KCNIP4: variants seen among roughly 807,000 people sequenced by gnomAD.
The protein encoded by KCNIP4 is potassium voltage-gated channel interacting protein 4, also known as Kv channel-interacting protein 4.
KCNIP4 carries 12 observed loss-of-function variants against 34.0 expected under a neutral mutation model. The observed-to-expected ratio is 0.35, with a 90% CI of 0.23 to 0.57. The LOEUF is 0.57. KCNIP4 is among the 20% of genes least tolerant of loss of function. KCNIP4 has a pLI of 0.83. For missense variants in KCNIP4, 238 were observed against 311.7 expected (o/e 0.76, Z 1.78); for synonymous variants, 124 against 102.2 (o/e 1.21, Z -1.29).
At position 21,397,527 on chromosome 4, in the gene KCNIP4, A is replaced by C. The variant is rs964558724; in HGVS notation, c.62-514818T>G. Reference sequence around the variant, plus strand: ...TGTAACAAACCTCCACATTTTGTACATGTATCCTGGAACTTAAAATTTTTT... The same window carrying C: ...TGTAACAAACCTCCACATTTTGTACCTGTATCCTGGAACTTAAAATTTTTT... On this transcript the variant is annotated intron_variant, in intron 1 of 8. Coordinates refer to ENST00000382152, the MANE Select transcript of KCNIP4 (RefSeq NM_025221.6). Among the ~76,000 whole-genome samples the C allele has an allele frequency of 2.6e-5, 4 of 152,242 alleles. No homozygotes were observed. The South Asian group carries it at 6.2e-4, about 24-fold the overall frequency.
rs373362236 is a variant in KCNIP4, at chr4:21,637,048, C to G, written c.61+311523G>C. ...AGTAAACTTGTGTTTACAGCTGGCT[C>G]TCTGTATTCACAGGAAATTGGTTCC... is the stretch of plus-strand genomic sequence containing the variant. On this transcript the variant is annotated intron_variant, in intron 1 of 8. Transcript: ENST00000382152. 1.2e-3 allele frequency among the ~76,000 whole-genome samples: 180 copies of G among 152,198 alleles called. 2 individuals carry two copies. The highest frequency in any genetic ancestry group is 3.8e-3 in the African/African-American group (159 of 41,542).
Position 21,543,900 on chromosome 4 carries a change from A to C in KCNIP4, c.61+404671T>G, listed in dbSNP as rs577603619. The stretch of plus-strand genomic sequence containing the variant: ...TTGTCTACGATGGAATGTTAAATAT[A>C]CTCTTAAATTGGAAAGGAAATAAAA... On this transcript the variant is annotated intron_variant, in intron 1 of 8. Coordinates refer to ENST00000382152, the MANE Select transcript of KCNIP4 (RefSeq NM_025221.6). 1.5e-4 allele frequency among the ~76,000 whole-genome samples: 23 copies of C among 152,250 alleles called. No homozygotes were observed. In the South Asian group the frequency reaches 4.6e-3, roughly 30 times the overall value.
At chr4:20,931,757 A>T (rs1437657385) in intron 1 of KCNIP4, among the ~76,000 whole-genome samples, 5 of 152,128 alleles carry the variant, frequency 3.3e-5, no homozygotes, top group African/African-American at 4.8e-5. Flanking sequence ...GAGATAGACA[A>T]TAAGTGGTTC....
chr4:21,833,654 G>A (rs13148011), intron 1 of KCNIP4, among the ~76,000 whole-genome samples: 57,000 of 151,680 alleles, frequency 0.38, 11,828 homozygotes, highest in East Asian at 0.65. Flanking sequence ...TTTTAGACAC[G>A]AAGTCCTTGC....
In KCNIP4 at chr4:20,979,523, C is replaced by T. The variant is rs557567369; in HGVS notation, c.62-96814G>A. ...ACGCCACTCTCCTGCCTCAGCCTCC[C>T]GAGTAGCTGGGACTACCGGCGCCCG... On this transcript the variant is annotated intron_variant, in intron 1 of 8. Coordinates refer to ENST00000382152, the MANE Select transcript of KCNIP4 (RefSeq NM_025221.6). Among the ~76,000 whole-genome samples the T allele has an allele frequency of 4.6e-5, 7 of 151,964 alleles. No individual in the cohort carries two copies. The East Asian group carries it at 1.4e-3, about 30-fold the overall frequency.
At chr4:21,140,026 T>C (rs902321868) in intron 1 of KCNIP4, among the ~76,000 whole-genome samples, 1 of 152,152 alleles carries the variant, frequency 6.6e-6, no homozygotes, top group Non-Finnish European at 1.5e-5. Flanking sequence ...AGAGTCAATT[T>C]TACCCAATTA....
intron 2 of KCNIP4, among the ~76,000 whole-genome samples, chr4:20,868,018 T>C (rs1395638876): frequency 3.0e-5 from 3 of 101,174 alleles, no homozygotes; most frequent in African/African-American, 1.6e-4. Context: ...TAAAGTATAA[T>C]AATAATAAAA....
At chr4:21,848,760 T>A (rs1382293334) in intron 1 of KCNIP4, 1 of 152,066 alleles carries the variant, frequency 6.6e-6, no homozygotes, top group Non-Finnish European at 1.5e-5. Flanking sequence ...TTGAACTCAA[T>A]CCTTAAATTA....
intron 1 of KCNIP4, among the ~76,000 whole-genome samples, chr4:20,962,504 C>G (rs1374236223): frequency 6.6e-6 from 1 of 152,128 alleles, no homozygotes; most frequent in African/African-American, 2.4e-5. Flanking sequence ...TTTACTGGCT[C>G]TCTCTGAGGG....
chr4:20,900,355 G>A (rs1413527205), intron 1 of KCNIP4, among the ~76,000 whole-genome samples: 1 of 152,176 alleles, frequency 6.6e-6, no homozygotes, highest in African/African-American at 2.4e-5. Context: ...AACGGAGTGT[G>A]TACATTAACC....
At chr4:21,332,231 C>A (rs1167825118) in intron 1 of KCNIP4, among the ~76,000 whole-genome samples, 7 of 151,912 alleles carry the variant, frequency 4.6e-5, no homozygotes, top group Non-Finnish European at 8.8e-5. Flanking sequence ...TCTGTTGGGA[C>A]CAGATAGATA....
chr4:20,876,145 TATGAGTTAAATTTAG>T (rs1415379462), intron 2 of KCNIP4, among the ~76,000 whole-genome samples: 2 of 152,204 alleles, frequency 1.3e-5, no homozygotes, highest in Non-Finnish European at 2.9e-5. Flanking sequence ...TAGATGTTGT[TATGAGTTAAATTTAG>T]ATAAAAATGT....
chr4:21,399,836 T>C (rs1723322637), intron 1 of KCNIP4, among the ~76,000 whole-genome samples: 2 of 152,136 alleles, frequency 1.3e-5, no homozygotes, highest in Admixed American at 1.3e-4. Context: ...ACAATTCTAA[T>C]TCTAATCATA....
chr4:21,754,186 A>G (rs1717349411), intron 1 of KCNIP4, among the ~76,000 whole-genome samples: 1 of 152,084 alleles, frequency 6.6e-6, no homozygotes, highest in Non-Finnish European at 1.5e-5. Flanking sequence ...AATAAAATTT[A>G]TTTCAGGTTT....
chr4:21,081,000 G>C (rs1461579423), intron 1 of KCNIP4, among the ~76,000 whole-genome samples: 2 of 151,800 alleles, frequency 1.3e-5, no homozygotes, highest in Non-Finnish European at 2.9e-5. Flanking sequence ...TTTCACTCTA[G>C]ATGTTCAACT....
chr4:21,362,337 C>G (rs1469993593), intron 1 of KCNIP4, among the ~76,000 whole-genome samples: 1 of 152,114 alleles, frequency 6.6e-6, no homozygotes, highest in Non-Finnish European at 1.5e-5. Flanking sequence ...AGCAGTGAAC[C>G]TTGTCTCCTG....
At chr4:20,739,613 G>A in intron 5 of KCNIP4, among the ~76,000 whole-genome samples, 1 of 152,172 alleles carries the variant, frequency 6.6e-6, no homozygotes, top group Non-Finnish European at 1.5e-5. Context: ...AAGACCAAAG[G>A]TAGATAAAAC....
At chr4:21,849,598 G>T (rs569495863) in intron 1 of KCNIP4, 36 of 152,100 alleles carry the variant, frequency 2.4e-4, no homozygotes, top group African/African-American at 8.4e-4. Flanking sequence ...TTTGCTGTCA[G>T]AGACAACTAG....
chr4:21,696,676 C>G (rs1712351699), intron 1 of KCNIP4, among the ~76,000 whole-genome samples: 1 of 152,064 alleles, frequency 6.6e-6, no homozygotes, highest in Non-Finnish European at 1.5e-5. Flanking sequence ...TTGATTTAGC[C>G]TCATAATTTT....
Sources: allele counts gnomAD v4.1 joint callset (sites outside exome capture counted in the v4.1 genomes callset), GRCh38; gene constraint gnomAD v4.1.1; transcripts MANE v1.5; gene names NCBI Gene and HGNC (gene_info 2026-07-23, HGNC 2026-07-21).